The following SMG6 variants were observed in gnomAD, a reference collection of about 807,000 sequenced individuals.
SMG6 encodes telomerase-binding protein EST1A.
A neutral mutation model predicts 142.2 loss-of-function variants in SMG6; 66 were observed. The observed-to-expected ratio is 0.46, with a 90% CI of 0.38 to 0.57. SMG6 has a LOEUF of 0.57. Among genes scored for constraint, SMG6 ranks in the 20% least tolerant of loss-of-function variants. SMG6 has a pLI of 0.00. For synonymous variants in SMG6, 779 were observed against 702.4 expected (o/e 1.11, Z -1.72); for missense variants, 1,793 against 1,832.0 (o/e 0.98, Z 0.39).
chr17:2,110,351 T>A (rs144245653), intron 13 of SMG6, among the ~76,000 whole-genome samples: 2 of 152,296 alleles, frequency 1.3e-5, no homozygotes, highest in African/African-American at 4.8e-5. Context: ...TTAGGCCCTG[T>A]TGCGAGTTTC....
chr17:2,266,264 A>G, intron 8 of SMG6: 1 of 745,510 alleles, frequency 1.3e-6, no homozygotes, highest in Non-Finnish European at 1.6e-6. Context: ...AACACAGAAT[A>G]TACACACGCA....
intron 8 of SMG6, among the ~76,000 whole-genome samples, chr17:2,279,371 TGAGG>T (rs2074732002): frequency 6.6e-6 from 1 of 152,162 alleles, no homozygotes; most frequent in Admixed American, 6.5e-5. Context: ...AGCCAGATCA[TGAGG>T]AGCCTAGTGG....
intron 8 of SMG6, among the ~76,000 whole-genome samples, chr17:2,247,809 A>G (rs966674912): frequency 6.6e-6 from 1 of 151,308 alleles, no homozygotes; most frequent in East Asian, 1.9e-4. Context: ...GAAAAAAGAT[A>G]CAGGCCAGGC....
At chr17:2,292,695 T>G in intron 5 of SMG6, 65 bp from the exon 6 acceptor site, 2 of 1,569,584 alleles carry the variant, frequency 1.3e-6, no homozygotes, top group South Asian at 2.2e-5. Context: ...TTCATCCTGA[T>G]AGCCCTAATA....
At chr17:2,297,516 C>T (rs1030504433) in intron 3 of SMG6, among the ~76,000 whole-genome samples, 163 bp from the exon 4 acceptor site, 6 of 152,036 alleles carry the variant, frequency 3.9e-5, no homozygotes, top group Non-Finnish European at 1.5e-5. Context: ...GAGAACAAGG[C>T]AAATTCACAG....
chr17:2,285,767 G>A (rs142889403), intron 6 of SMG6, among the ~76,000 whole-genome samples: 307 of 152,198 alleles, frequency 2.0e-3, no homozygotes, highest in African/African-American at 6.8e-3. Context: ...TCCACCTCCC[G>A]GATTTGAGCA....
At chr17:2,197,381 T>C (rs567847629) in intron 10 of SMG6, among the ~76,000 whole-genome samples, 4 of 151,594 alleles carry the variant, frequency 2.6e-5, no homozygotes, top group African/African-American at 7.3e-5. Context: ...CCTGGCAACA[T>C]AGCAAGACTG....
At chr17:2,211,693 T>G (rs2072869906) in intron 10 of SMG6, among the ~76,000 whole-genome samples, 1 of 151,354 alleles carries the variant, frequency 6.6e-6, no homozygotes, top group East Asian at 1.9e-4. Flanking sequence ...AGGGCGTTCT[T>G]TGACCTTCAG....
intron 13 of SMG6, among the ~76,000 whole-genome samples, chr17:2,122,753 C>T (rs2069743591): frequency 6.6e-6 from 1 of 152,218 alleles, no homozygotes; most frequent in Non-Finnish European, 1.5e-5. Context: ...TAGAGGATCT[C>T]ACCAGTGGGA....
intron 8 of SMG6, among the ~76,000 whole-genome samples, chr17:2,265,162 G>A (rs778277625): frequency 2.0e-5 from 3 of 152,134 alleles, no homozygotes; most frequent in East Asian, 1.9e-4. Context: ...TGTGTGGGCC[G>A]TTACTGGCAT....
At chr17:2,223,295 G>A (rs1335433463) in intron 10 of SMG6, among the ~76,000 whole-genome samples, 2 of 152,200 alleles carry the variant, frequency 1.3e-5, no homozygotes, top group East Asian at 3.8e-4. Context: ...CGTGTCAACT[G>A]CTACATCTGC....
In SMG6 at chr17:2,236,650, A is replaced by C; in HGVS notation, c.2724-13T>G. 1 of 1,606,504 alleles carries C rather than the reference A, an allele frequency of 6.2e-7. No individual in the cohort carries two copies. The highest frequency in any genetic ancestry group is 8.5e-7 in the Non-Finnish European group (1 of 1,176,176). On this transcript the variant is annotated splice_polypyrimidine_tract_variant and intron_variant, in intron 9 of 18. Transcript: ENST00000263073. ...GAATGTCTCCATCCTGCAGATTCAGAAAACCCATCAATGAGGCACCTCTCT... is the reference window on the plus strand; with the variant it reads ...GAATGTCTCCATCCTGCAGATTCAGCAAACCCATCAATGAGGCACCTCTCT...
chr17:2,215,639 G>A (rs550326836), intron 10 of SMG6: 1 of 152,252 alleles, frequency 6.6e-6, no homozygotes, highest in South Asian at 2.1e-4. Flanking sequence ...TCAGCGTGCT[G>A]AAAAACTCCA....
At chr17:2,169,184 G>A (rs1439141800) in intron 13 of SMG6, among the ~76,000 whole-genome samples, 3 of 151,898 alleles carry the variant, frequency 2.0e-5, no homozygotes, top group Admixed American at 1.3e-4. Context: ...CAACAGAATC[G>A]CTTGAACCCG....
At chr17:2,127,171 T>C (rs1167400353) in intron 13 of SMG6, among the ~76,000 whole-genome samples, 2 of 150,700 alleles carry the variant, frequency 1.3e-5, no homozygotes, top group African/African-American at 4.9e-5. Flanking sequence ...AGACAAATAT[T>C]GCATGATTCT....
At chr17:2,210,561 A>G (rs2072820104) in intron 10 of SMG6, among the ~76,000 whole-genome samples, 1 of 151,932 alleles carries the variant, frequency 6.6e-6, no homozygotes. Context: ...GACAGTTGAA[A>G]CGACAAGATT....
Position 2,140,209 on chromosome 17 carries a change from T to C in SMG6, c.3357+32449A>G, listed in dbSNP as rs183190086. Among the ~76,000 whole-genome samples, 665 of 152,214 alleles carry C rather than the reference T, an allele frequency of 4.4e-3. 2 individuals carry two copies. Among genetic ancestry groups the C allele is most frequent in the Non-Finnish European group, 7.2e-3 (489 of 68,002 alleles). On this transcript the variant is annotated intron_variant, in intron 13 of 18. Transcript: ENST00000263073. ...TCCCAAGTAGCTGGGACCACAGGCA[T>C]GTGCAACCATGCCCAACTAGTTTTT...
intron 1 of SMG6, among the ~76,000 whole-genome samples, chr17:2,300,991 A>G (rs1379717885): frequency 6.6e-6 from 1 of 152,164 alleles, no homozygotes; most frequent in Non-Finnish European, 1.5e-5. Flanking sequence ...CTACCTCATT[A>G]TTGTCAGAAC....
At chr17:2,296,126 G>A (rs1022405040) in intron 4 of SMG6, among the ~76,000 whole-genome samples, 4 of 152,080 alleles carry the variant, frequency 2.6e-5, no homozygotes, top group Admixed American at 6.6e-5. Context: ...ATCAATTAAT[G>A]GTTCCCCAGT....
Sources: gnomAD v4.1 joint callset for allele counts (sites outside exome capture counted in the v4.1 genomes callset) on GRCh38, gnomAD v4.1.1 for gene constraint, MANE v1.5 for transcripts, NCBI Gene and HGNC (gene_info 2026-07-23, HGNC 2026-07-21) for gene names.